Variants in ADAMTS17 observed in about 807,000 individuals in gnomAD.
The protein encoded by ADAMTS17 is ADAM metallopeptidase with thrombospondin type 1 motif 17.
ADAMTS17 carries 113 observed loss-of-function variants against 141.5 expected under a neutral mutation model. The observed-to-expected ratio is 0.80, with a 90% CI of 0.69 to 0.93. The LOEUF is 0.93. ADAMTS17 is among the 40% of genes least tolerant of loss of function. The pLI is 0.00. For synonymous variants in ADAMTS17, 768 were observed against 630.6 expected (o/e 1.22, Z -3.27); for missense variants, 1,659 against 1,517.9 (o/e 1.09, Z -1.54).
chr15:100,221,309 TCTCA>T (rs2042127198), intron 7 of ADAMTS17, among the ~76,000 whole-genome samples: 1 of 151,908 alleles, frequency 6.6e-6, no homozygotes, highest in Non-Finnish European at 1.5e-5. Flanking sequence ...ACAGAATTTG[TCTCA>T]CTGCCTGTAG....
At chr15:100,153,210 T>C (rs2039270047) in intron 9 of ADAMTS17, among the ~76,000 whole-genome samples, 1 of 152,254 alleles carries the variant, frequency 6.6e-6, no homozygotes, top group Admixed American at 6.5e-5. Context: ...CTTCAGGTTC[T>C]TTTCGAGTGC....
intron 7 of ADAMTS17, among the ~76,000 whole-genome samples, chr15:100,234,176 G>A (rs1373286279): frequency 6.6e-6 from 1 of 152,292 alleles, no homozygotes; most frequent in East Asian, 1.9e-4. Flanking sequence ...TGAAGGTGGA[G>A]TGGACAGGCA....
chr15:100,331,184 G>T, intron 2 of ADAMTS17, 130 bp from the exon 3 acceptor site: 2 of 1,145,124 alleles, frequency 1.7e-6, no homozygotes, highest in Non-Finnish European at 2.5e-6. Context: ...TTTCTTTGCA[G>T]ATTGGTCAGA....
At chr15:100,218,348 T>G (rs1004785364) in intron 7 of ADAMTS17, among the ~76,000 whole-genome samples, 1 of 152,142 alleles carries the variant, frequency 6.6e-6, no homozygotes, top group African/African-American at 2.4e-5. Context: ...TTGGGAAGAA[T>G]CCAACACCAC....
At chr15:100,032,503 T>C (rs796160622) in intron 18 of ADAMTS17, among the ~76,000 whole-genome samples, 7 of 152,328 alleles carry the variant, frequency 4.6e-5, no homozygotes, top group African/African-American at 1.7e-4. Context: ...TTTGGGCCTT[T>C]GGGCTGCGAG....
At position 100,180,438 on chromosome 15, in the gene ADAMTS17, G is replaced by A. The variant is rs62036169; in HGVS notation, c.1181+18880C>T. Among the ~76,000 whole-genome samples the A allele has an allele frequency of 7.2e-3, 1,103 of 152,256 alleles. 6 individuals carry two copies. Among genetic ancestry groups the A allele is most frequent in the Admixed American group, 0.014 (217 of 15,280 alleles). ...TTACTATAGCTCTACAGTATAATCTGAAGTCAGGTAATGTGATTCCTCCAG... is the reference window on the plus strand; with the variant it reads ...TTACTATAGCTCTACAGTATAATCTAAAGTCAGGTAATGTGATTCCTCCAG... On this transcript the variant is annotated intron_variant, in intron 8 of 21. Coordinates refer to ENST00000268070, the MANE Select transcript of ADAMTS17 (RefSeq NM_139057.4).
At chr15:100,074,324 G>A (rs2034212215) in intron 15 of ADAMTS17, 1 of 151,878 alleles carries the variant, frequency 6.6e-6, no homozygotes, top group South Asian at 2.1e-4. Flanking sequence ...ATATAATGCG[G>A]GCTTACGGTT....
intron 3 of ADAMTS17, among the ~76,000 whole-genome samples, chr15:100,314,680 G>C (rs1272285033): frequency 1.3e-5 from 2 of 152,170 alleles, no homozygotes; most frequent in Admixed American, 6.5e-5. Flanking sequence ...TTTGAGTCTG[G>C]GTGACTGGAA....
Position 100,096,381 on chromosome 15 carries a change from GCC to G in ADAMTS17, c.2110_2111del (p.Gly704ArgfsTer15). 1.2e-6 allele frequency: 2 copies of G among 1,613,724 alleles called. No individual in the cohort carries two copies. Among genetic ancestry groups the G allele is most frequent in the Non-Finnish European group, 1.7e-6 (2 of 1,180,002 alleles). ...CTGTCCCCCGGGCGTGGCTGAAGTC[GCC>G]CTTCACCAAGTGGCAGGTCTTGCCG... The part of the protein sequence containing the change: ...GDGKTCHLVK[G>X]DFSHARGTAL... On this transcript the variant is annotated frameshift_variant, in exon 15 of 22. Transcript: ENST00000268070. LOFTEE classifies it high-confidence loss of function.
At position 100,088,062 on chromosome 15, in the gene ADAMTS17, G is replaced by A. The variant is rs191433539; in HGVS notation, c.2137+8294C>T. 7.3e-3 allele frequency among the ~76,000 whole-genome samples: 1,107 copies of A among 152,304 alleles called. 12 individuals carry two copies. Among genetic ancestry groups the A allele is most frequent in the African/African-American group, 0.025 (1,059 of 41,556 alleles). ...GGAAGTCAAATTGTCCCTGTTTGCAGATGACATGACTGTATATCTAGAAAA... is the reference window on the plus strand; with the variant it reads ...GGAAGTCAAATTGTCCCTGTTTGCAAATGACATGACTGTATATCTAGAAAA... On this transcript the variant is annotated intron_variant, in intron 15 of 21. Coordinates refer to ENST00000268070, the MANE Select transcript of ADAMTS17 (RefSeq NM_139057.4).
Position 100,096,462 on chromosome 15 carries a change from G to A in ADAMTS17, c.2031C>T (p.Asp677=), listed in dbSNP as rs199816831. The change falls in exon 15 of 22, where the codon GAC becomes GAT. Residue 677 remains aspartate (D), a synonymous_variant. Transcript: ENST00000268070. The part of the protein sequence containing the change: ...VHGKCQKIGC[D]GIIGSAAKED... ...CTTTGGCTGCAGACCCGATGATGCC[G>A]TCACAGCCGATTTTCTAAAGAACCA... 24 of 1,614,140 alleles carry A rather than the reference G, an allele frequency of 1.5e-5. No homozygotes were observed. The highest frequency in any genetic ancestry group is 4.4e-5 in the South Asian group (4 of 91,080).
At chr15:100,304,786 G>C (rs534061965) in intron 3 of ADAMTS17, among the ~76,000 whole-genome samples, 1 of 152,176 alleles carries the variant, frequency 6.6e-6, no homozygotes, top group African/African-American at 2.4e-5. Context: ...GGTTTGAACT[G>C]TGCGGGCCCA....
chr15:100,218,570 T>C (rs1218636612), intron 7 of ADAMTS17, among the ~76,000 whole-genome samples: 2 of 152,070 alleles, frequency 1.3e-5, no homozygotes, highest in Admixed American at 6.5e-5. Context: ...ATCAAAAAGA[T>C]GGGTGTTGGC....
chr15:100,242,426 T>C (rs1567415454), intron 7 of ADAMTS17, among the ~76,000 whole-genome samples: 1 of 152,210 alleles, frequency 6.6e-6, no homozygotes, highest in Non-Finnish European at 1.5e-5. Context: ...CAAAGATGCA[T>C]AGCCTAGCAA....
chr15:100,060,890 G>C (rs953198244), intron 15 of ADAMTS17, among the ~76,000 whole-genome samples: 2 of 152,218 alleles, frequency 1.3e-5, no homozygotes, highest in African/African-American at 2.4e-5. Flanking sequence ...GACTTCCAAA[G>C]CACCCAGCCC....
intron 15 of ADAMTS17, among the ~76,000 whole-genome samples, chr15:100,091,227 GGCCAGATACCCCCGATGTGGAT>G (rs751023454): frequency 6.6e-6 from 1 of 151,810 alleles, no homozygotes; most frequent in Non-Finnish European, 1.5e-5. Flanking sequence ...GCGTCTCTCA[GGCCAGATACCCCCGATGTGGAT>G]GCCAGATACC....
At chr15:100,052,684 CAGAAT>C (rs1220545664) in intron 16 of ADAMTS17, among the ~76,000 whole-genome samples, 3 of 152,190 alleles carry the variant, frequency 2.0e-5, no homozygotes, top group East Asian at 3.8e-4. Context: ...GCTTTTAACT[CAGAAT>C]AGGAGGATTT....
chr15:100,173,377 C>A (rs2040227656), intron 8 of ADAMTS17, among the ~76,000 whole-genome samples: 2 of 152,152 alleles, frequency 1.3e-5, no homozygotes, highest in South Asian at 4.2e-4. Flanking sequence ...AGTCGATTTA[C>A]AACCCAAAGT....
intron 12 of ADAMTS17, 122 bp from the exon 13 acceptor site, chr15:100,117,135 C>G (rs1427412153): frequency 8.7e-7 from 1 of 1,147,718 alleles, no homozygotes; most frequent in Non-Finnish European, 1.3e-6. Context: ...CCAAAGCCAC[C>G]CCCTCTCTGC....
Sources: allele counts gnomAD v4.1 joint callset (sites outside exome capture counted in the v4.1 genomes callset), GRCh38; gene constraint gnomAD v4.1.1; transcripts MANE v1.5; gene names NCBI Gene and HGNC (gene_info 2026-07-23, HGNC 2026-07-21).